Variants in ST3GAL3 observed in about 807,000 individuals in gnomAD.
The protein encoded by ST3GAL3 is ST3 beta-galactoside alpha-2,3-sialyltransferase 3.
ST3GAL3 carries 21 observed loss-of-function variants against 50.1 expected under a neutral mutation model. That is an observed-to-expected ratio of 0.42 (90% CI 0.30 to 0.60). The LOEUF (loss-of-function observed/expected upper bound fraction) is 0.60. Among genes scored for constraint, ST3GAL3 ranks in the 20% least tolerant of loss-of-function variants. The pLI, the probability that ST3GAL3 is intolerant of heterozygous loss-of-function variation, is 0.19. For synonymous variants in ST3GAL3, 183 were observed against 190.0 expected (o/e 0.96, Z 0.30); for missense variants, 353 against 489.4 (o/e 0.72, Z 2.63).
At chr1:43,729,089 CT>C (rs71914132) in intron 1 of ST3GAL3, among the ~76,000 whole-genome samples, 33,422 of 116,948 alleles carry the variant, frequency 0.29, 3,633 homozygotes, top group East Asian at 0.42. Context: ...AATTATTTTT[CT>C]TTTTTTTTTT....
At chr1:43,780,991 C>G (rs1048056817) in intron 2 of ST3GAL3, among the ~76,000 whole-genome samples, 13 of 152,174 alleles carry the variant, frequency 8.5e-5, no homozygotes, top group African/African-American at 3.1e-4. Flanking sequence ...TTCATTCCCT[C>G]TTCTAGTGGT....
chr1:43,859,215 C>T (rs893211991), intron 5 of ST3GAL3, among the ~76,000 whole-genome samples: 3 of 152,148 alleles, frequency 2.0e-5, no homozygotes, highest in Non-Finnish European at 4.4e-5. Context: ...TGACAGCTGG[C>T]CCTGTGACAT....
intron 1 of ST3GAL3, among the ~76,000 whole-genome samples, chr1:43,728,942 T>A (rs1436489338): frequency 6.6e-6 from 1 of 152,108 alleles, no homozygotes; most frequent in Non-Finnish European, 1.5e-5. Flanking sequence ...CAGGCTGGAG[T>A]GCAGTTGCAT....
chr1:43,744,956 A>G (rs1682975496), intron 2 of ST3GAL3, among the ~76,000 whole-genome samples: 2 of 151,968 alleles, frequency 1.3e-5, no homozygotes, highest in African/African-American at 4.8e-5. Context: ...GTGCCACTGC[A>G]TTCCAGGCTG....
intron 5 of ST3GAL3, chr1:43,850,722 G>C: frequency 1.3e-6 from 1 of 746,572 alleles, no homozygotes; most frequent in Non-Finnish European, 2.5e-6. Context: ...GCCCAGCTCC[G>C]TCAGTGCCTC....
intron 4 of ST3GAL3, among the ~76,000 whole-genome samples, chr1:43,829,503 A>G (rs1558487860): frequency 6.6e-6 from 1 of 152,106 alleles, no homozygotes; most frequent in Non-Finnish European, 1.5e-5. Flanking sequence ...CTGCATAAAA[A>G]TCCTTCAGTG....
At chr1:43,845,895 A>G (rs993605441) in intron 5 of ST3GAL3, among the ~76,000 whole-genome samples, 3 of 152,158 alleles carry the variant, frequency 2.0e-5, no homozygotes, top group South Asian at 2.1e-4. Flanking sequence ...ACTTCGGCCT[A>G]TTAGTTCTTT....
intron 9 of ST3GAL3, among the ~76,000 whole-genome samples, chr1:43,901,786 C>G (rs2078318559): frequency 6.6e-6 from 1 of 152,168 alleles, no homozygotes. Context: ...TTGGTGAGAA[C>G]TCCTACCCAG....
At chr1:43,744,218 T>TA (rs1306127426) in intron 2 of ST3GAL3, among the ~76,000 whole-genome samples, 2 of 152,158 alleles carry the variant, frequency 1.3e-5, no homozygotes, top group Non-Finnish European at 2.9e-5. Context: ...TAATTACTCT[T>TA]AAAAATGAAT....
At chr1:43,760,798 A>G (rs561743784) in intron 2 of ST3GAL3, among the ~76,000 whole-genome samples, 2 of 152,328 alleles carry the variant, frequency 1.3e-5, no homozygotes, top group African/African-American at 4.8e-5. Context: ...CTTGTAGCCA[A>G]AAAGTGGAAA....
At chr1:43,895,222 T>C (rs2154267712) in intron 6 of ST3GAL3, among the ~76,000 whole-genome samples, 1 of 152,302 alleles carries the variant, frequency 6.6e-6, no homozygotes, top group East Asian at 1.9e-4. Flanking sequence ...ATTTTTCACC[T>C]GAACCTCATC....
At chr1:43,838,364 G>A in intron 5 of ST3GAL3, 53 bp downstream of exon 5, 1 of 1,536,910 alleles carries the variant, frequency 6.5e-7, no homozygotes, top group African/African-American at 1.4e-5. Context: ...TGGGGTCCAA[G>A]AGCCAGAAAC....
At chr1:43,895,202 C>T (rs1238898422) in intron 6 of ST3GAL3, among the ~76,000 whole-genome samples, 1 of 152,130 alleles carries the variant, frequency 6.6e-6, no homozygotes, top group Non-Finnish European at 1.5e-5. Flanking sequence ...CTCTATCAGC[C>T]CATCCTGATA....
chr1:43,764,560 A>G (rs893610548), intron 2 of ST3GAL3, among the ~76,000 whole-genome samples: 4 of 152,294 alleles, frequency 2.6e-5, no homozygotes, highest in Middle Eastern at 3.4e-3. Flanking sequence ...GAAATGAGGA[A>G]GAAGGGAAAA....
At chr1:43,771,313 A>G (rs1194612622) in intron 2 of ST3GAL3, among the ~76,000 whole-genome samples, 1 of 151,648 alleles carries the variant, frequency 6.6e-6, no homozygotes, top group Non-Finnish European at 1.5e-5. Flanking sequence ...TATAAAAGTG[A>G]TTCTTGGAAA....
chr1:43,809,524 C>T (rs1473470996), intron 3 of ST3GAL3, among the ~76,000 whole-genome samples: 1 of 151,660 alleles, frequency 6.6e-6, no homozygotes, highest in South Asian at 2.1e-4. Flanking sequence ...AGTGAGACCC[C>T]TGTCTCTACA....
chr1:43,816,162 G>A (rs2061220235), intron 4 of ST3GAL3, among the ~76,000 whole-genome samples: 1 of 152,160 alleles, frequency 6.6e-6, no homozygotes, highest in Non-Finnish European at 1.5e-5. Flanking sequence ...TCAGAATTGT[G>A]TCTCTTTCCT....
intron 3 of ST3GAL3, among the ~76,000 whole-genome samples, chr1:43,813,804 A>G (rs2060852865): frequency 6.6e-6 from 1 of 151,588 alleles, no homozygotes; most frequent in African/African-American, 2.4e-5. Context: ...TTTTATCCTC[A>G]GATTGAGCCA....
intron 4 of ST3GAL3, among the ~76,000 whole-genome samples, chr1:43,817,407 TCTTCTC>T (rs1558434454): frequency 0.016 from 829 of 51,712 alleles, 8 homozygotes; most frequent in African/African-American, 0.099. Context: ...TTTTTCTCCT[TCTTCTC>T]CTCCTTCTCC....
Sources: gnomAD v4.1 joint callset for allele counts (sites outside exome capture counted in the v4.1 genomes callset) on GRCh38, gnomAD v4.1.1 for gene constraint, MANE v1.5 for transcripts, NCBI Gene and HGNC (gene_info 2026-07-23, HGNC 2026-07-21) for gene names.